Variants in TLE4 observed in about 807,000 individuals in gnomAD.
TLE4 encodes the protein TLE family member 4, transcriptional corepressor.
Under a neutral mutation model 92.8 loss-of-function variants are expected in TLE4, and 8 were observed. That is an observed-to-expected ratio of 0.09 (90% confidence interval 0.05 to 0.16). The LOEUF (loss-of-function observed/expected upper bound fraction) is 0.16, where lower values mean the gene tolerates loss of function less well. Among genes scored for constraint, TLE4 ranks in the 10% least tolerant of loss-of-function variants. The pLI is 1.00. For missense variants in TLE4, 675 were observed against 997.6 expected (o/e 0.68, Z 4.36); for synonymous variants, 371 against 374.1 (o/e 0.99, Z 0.10).
intron 11 of TLE4, chr9:79,707,332 A>G: frequency 1.2e-6 from 1 of 855,262 alleles, no homozygotes; most frequent in South Asian, 1.6e-5. Context: ...TCTCTCATTT[A>G]CAAAAGTCTA....
chr9:79,592,212 C>CCTT (rs2042793661), intron 4 of TLE4, among the ~76,000 whole-genome samples: 1 of 128,898 alleles, frequency 7.8e-6, no homozygotes, highest in African/African-American at 3.4e-5. Context: ...TCTTCTTCTT[C>CCTT]TTCCTCTTCT....
At chr9:79,582,076 G>C (rs2039823615) in intron 4 of TLE4, among the ~76,000 whole-genome samples, 1 of 152,142 alleles carries the variant, frequency 6.6e-6, no homozygotes, top group Non-Finnish European at 1.5e-5. Context: ...GCTTATGAGA[G>C]TGCCTACAGA....
chr9:79,592,107 CT>C (rs2042669743), intron 4 of TLE4, among the ~76,000 whole-genome samples: 1 of 143,130 alleles, frequency 7.0e-6, no homozygotes, highest in Non-Finnish European at 1.6e-5. Context: ...TCTTCTTCTT[CT>C]TCTTTCTTCT....
intron 4 of TLE4, among the ~76,000 whole-genome samples, chr9:79,606,166 C>G (rs1052630381): frequency 4.8e-4 from 17 of 35,704 alleles, no homozygotes; most frequent in Non-Finnish European, 9.7e-4. Flanking sequence ...TGTTTTATTG[C>G]TTTATTAAGC....
intron 6 of TLE4, among the ~76,000 whole-genome samples, chr9:79,643,923 C>T (rs997226210): frequency 3.3e-5 from 5 of 152,158 alleles, no homozygotes; most frequent in African/African-American, 9.7e-5. Context: ...CTCCTCTCCT[C>T]GCTCCCTCAC....
At chr9:79,720,008 C>A (rs766695647) in intron 15 of TLE4, 38 bp from the exon 16 acceptor site, 1 of 1,571,872 alleles carries the variant, frequency 6.4e-7, no homozygotes, top group South Asian at 1.2e-5. Flanking sequence ...GTTTTCCTTT[C>A]CTCATGAGTA....
intron 4 of TLE4, among the ~76,000 whole-genome samples, chr9:79,599,589 A>G (rs1488251274): frequency 6.6e-6 from 1 of 152,210 alleles, no homozygotes; most frequent in Non-Finnish European, 1.5e-5. Context: ...ATTGCTTTTA[A>G]TGTGCTCCTT....
rs142658827 is a variant in TLE4 at position 79,706,126 on chromosome 9, C to A, written c.783+184C>A. Reference sequence around the variant, plus strand: ...GTATTGTGACCACAGTTCACTGCAGCCTTGAACTCCTACGCTAAAGTGATT... The same window carrying A: ...GTATTGTGACCACAGTTCACTGCAGACTTGAACTCCTACGCTAAAGTGATT... On this transcript the variant is annotated intron_variant, in intron 10 of 19. Transcript: ENST00000376552. Among the ~76,000 whole-genome samples the A allele has an allele frequency of 1.2e-4, 19 of 152,164 alleles. No individual in the cohort carries two copies. In the East Asian group the frequency reaches 3.5e-3, roughly 28 times the overall value.
chr9:79,647,977 C>T (rs2058355890), intron 6 of TLE4, among the ~76,000 whole-genome samples: 1 of 150,926 alleles, frequency 6.6e-6, no homozygotes, highest in Non-Finnish European at 1.5e-5. Context: ...TGAGAGAGTA[C>T]TCTGTGGGTG....
At chr9:79,613,207 A>G (rs546799250) in intron 5 of TLE4, among the ~76,000 whole-genome samples, 74 of 152,194 alleles carry the variant, frequency 4.9e-4, no homozygotes, top group Non-Finnish European at 5.9e-5. Context: ...TCTTTATATT[A>G]TTGTGCTTTT....
In TLE4 at chr9:79,628,902, GTGTGTGTA is replaced by G. The variant is rs1250320885; in HGVS notation, c.390+1456_390+1463del. ...TGTGTGTGTGTGTGTGTGTGTGTGT[GTGTGTGTA>G]TATGTATAAACCAGCTGTGCTCCAT... On this transcript the variant is annotated intron_variant, in intron 6 of 19. Transcript: ENST00000376552. Among the ~76,000 whole-genome samples the G allele has an allele frequency of 1.5e-3, 231 of 151,838 alleles. 1 individual carries two copies. The highest frequency in any genetic ancestry group is 5.3e-3 in the African/African-American group (221 of 41,318).
intron 4 of TLE4, among the ~76,000 whole-genome samples, chr9:79,590,110 G>A (rs551013423): frequency 2.0e-5 from 3 of 152,208 alleles, no homozygotes; most frequent in South Asian, 2.1e-4. Context: ...TTGATTTTGC[G>A]GGGGACAGAG....
chr9:79,684,030 A>G (rs1472924224), intron 8 of TLE4, among the ~76,000 whole-genome samples: 1 of 152,192 alleles, frequency 6.6e-6, no homozygotes, highest in Non-Finnish European at 1.5e-5. Flanking sequence ...TTGCTTTTTA[A>G]TTTACATTAT....
At chr9:79,602,335 A>G (rs916202646) in intron 4 of TLE4, among the ~76,000 whole-genome samples, 9 of 152,230 alleles carry the variant, frequency 5.9e-5, no homozygotes, top group Non-Finnish European at 1.0e-4. Context: ...AGAAGATGCC[A>G]TCTAGGACTT....
intron 6 of TLE4, among the ~76,000 whole-genome samples, chr9:79,634,011 G>A (rs1018901059): frequency 5.3e-5 from 8 of 152,148 alleles, no homozygotes; most frequent in African/African-American, 1.9e-4. Flanking sequence ...CAAAATGCAT[G>A]TGTGGTCTTA....
intron 8 of TLE4, among the ~76,000 whole-genome samples, chr9:79,692,520 C>T (rs1037110867): frequency 1.3e-5 from 2 of 152,290 alleles, no homozygotes; most frequent in South Asian, 2.1e-4. Context: ...GGCGGTATGC[C>T]TCCACTTCAT....
intron 6 of TLE4, among the ~76,000 whole-genome samples, chr9:79,628,159 T>G (rs2053157435): frequency 6.6e-6 from 1 of 151,910 alleles, no homozygotes; most frequent in East Asian, 1.9e-4. Context: ...AGGCAAGAAA[T>G]CACAGCTGTA....
rs113916919 is a variant in TLE4 at position 79,722,955 on chromosome 9, A to G, written c.2138-4A>G. 1,721 of 1,614,066 alleles carry G rather than the reference A, an allele frequency of 1.1e-3. 18 individuals carry two copies. In the African/African-American group the frequency reaches 0.02, roughly 19 times the overall value. On this transcript the variant is annotated splice_region_variant and splice_polypyrimidine_tract_variant and intron_variant, in intron 18 of 19. Transcript: ENST00000376552. ...TTGCCTTTTTCAAAACCCTTTACCT[A>G]TAGGCAAATGGTTTGTAAGCACTGG...
At chr9:79,623,446 A>G (rs1347467767) in intron 5 of TLE4, among the ~76,000 whole-genome samples, 3 of 152,178 alleles carry the variant, frequency 2.0e-5, no homozygotes, top group South Asian at 2.1e-4. Flanking sequence ...AAAATATATT[A>G]GTACTTTGTC....
Sources: allele counts gnomAD v4.1 joint callset (sites outside exome capture counted in the v4.1 genomes callset), GRCh38; gene constraint gnomAD v4.1.1; transcripts MANE v1.5; gene names NCBI Gene and HGNC (gene_info 2026-07-23, HGNC 2026-07-21).